Variants in PIKFYVE observed in about 807,000 individuals in gnomAD.
PIKFYVE encodes the protein 1-phosphatidylinositol 3-phosphate 5-kinase.
In PIKFYVE, 122 loss-of-function variants were observed where a neutral mutation model predicts 257.9. The observed-to-expected ratio is 0.47, with a 90% confidence interval of 0.41 to 0.55. The LOEUF is 0.55. Ranked by LOEUF, PIKFYVE falls within the 20% of genes least tolerant of loss-of-function variation. The pLI, the probability that PIKFYVE is intolerant of heterozygous loss-of-function variation, is 0.00. For synonymous variants in PIKFYVE, 892 were observed against 868.9 expected, an observed-to-expected ratio of 1.03 and a Z score of -0.47; for missense variants, 2,160 against 2,536.6, an observed-to-expected ratio of 0.85 and a Z score of 3.19.
At chr2:208,277,843 C>G in intron 5 of PIKFYVE, 135 bp downstream of exon 5, 1 of 894,620 alleles carries the variant, frequency 1.1e-6, no homozygotes, top group East Asian at 2.5e-5. Flanking sequence ...GTGAGGGAGA[C>G]AGCTTTGCTT....
chr2:208,279,069 GT>G (rs1446759807), intron 5 of PIKFYVE, among the ~76,000 whole-genome samples: 10 of 152,154 alleles, frequency 6.6e-5, no homozygotes, highest in Non-Finnish European at 1.5e-5. Context: ...ACCAGCATTC[GT>G]TTTTTGGCTT....
chr2:208,317,893 T>C lies in PIKFYVE; in HGVS notation c.2034T>C (p.Ser678=), dbSNP rs200404501. The C allele has an allele frequency of 1.3e-5, 21 of 1,613,950 alleles. No homozygotes were observed. The East Asian group carries it at 4.7e-4, about 36-fold the overall frequency. Residue 678 remains serine (S), a synonymous_variant, in exon 16 of 42, where the codon TCT becomes TCC. Transcript: ENST00000264380. The part of the protein sequence containing the change: ...KKIPGGKKFD[S]VVVNGFVCTK... ...TCCCAGGTGGAAAGAAGTTTGATTC[T>C]GTGGTTGTCAATGGCTTTGTTTGTA... is the stretch of plus-strand genomic sequence containing the variant.
intron 32 of PIKFYVE, among the ~76,000 whole-genome samples, 192 bp from the exon 33 acceptor site, chr2:208,344,919 A>C (rs1276101371): frequency 2.0e-5 from 3 of 152,078 alleles, no homozygotes; most frequent in Admixed American, 1.3e-4. Flanking sequence ...ATTTTGTATT[A>C]CCTTCTATGA....
At chr2:208,275,829 C>G (rs1690033221) in intron 3 of PIKFYVE, among the ~76,000 whole-genome samples, 1 of 152,140 alleles carries the variant, frequency 6.6e-6, no homozygotes, top group African/African-American at 2.4e-5. Flanking sequence ...GATGTTCATC[C>G]TTTTTGTCAA....
chr2:208,321,134 G>A (rs1696159182), intron 17 of PIKFYVE, among the ~76,000 whole-genome samples: 1 of 152,118 alleles, frequency 6.6e-6, no homozygotes, highest in African/African-American at 2.4e-5. Flanking sequence ...GTATAAAGTT[G>A]CATAGGTTTT....
chr2:208,335,758 C>CT (rs1559149297), intron 25 of PIKFYVE, 35 bp from the exon 26 acceptor site: 1 of 1,482,508 alleles, frequency 6.7e-7, no homozygotes, highest in South Asian at 1.2e-5. Flanking sequence ...TTGATTCACC[C>CT]TTTCTAAAGT....
At chr2:208,291,925 G>A (rs1014581556) in intron 7 of PIKFYVE, among the ~76,000 whole-genome samples, 2 of 151,982 alleles carry the variant, frequency 1.3e-5, no homozygotes, top group Admixed American at 6.6e-5. Flanking sequence ...AAATGTATGC[G>A]CTTCGTGCTA....
At chr2:208,346,352 A>G (rs529640647) in intron 34 of PIKFYVE, among the ~76,000 whole-genome samples, 1 of 152,346 alleles carries the variant, frequency 6.6e-6, no homozygotes, top group South Asian at 2.1e-4. Flanking sequence ...TGTAAGTTCA[A>G]GGTATTGAAT....
At chr2:208,351,537 T>G (rs1217586023) in intron 38 of PIKFYVE, 82 bp downstream of exon 38, 1 of 1,160,108 alleles carries the variant, frequency 8.6e-7, no homozygotes, top group Non-Finnish European at 1.3e-6. Context: ...TCTATTCTTG[T>G]GTTGCTATAA....
Position 208,326,316 on chromosome 2 carries a change from C to A in PIKFYVE, c.3505C>A (p.Pro1169Thr). 1 of 1,609,486 alleles carries A rather than the reference C, an allele frequency of 6.2e-7. No individual in the cohort carries two copies. Among genetic ancestry groups the A allele is most frequent in the Non-Finnish European group, 8.5e-7 (1 of 1,177,882 alleles). ...GGRIQPKNSD[P>T]FAHSKDASST... ...AAGAATTCAGCCCAAAAATTCAGAC[C>A]CTTTTGCTCATTCAAAGGATGCATC... The change falls in exon 20 of 42, where the codon CCT (proline) becomes ACT (threonine). Residue 1169 changes from proline (P) to threonine (T), a missense_variant. By Grantham distance (38) the Pro-to-Thr change is conservative. Transcript: ENST00000264380.
At position 208,274,079 on chromosome 2, in the gene PIKFYVE, T is replaced by G. The variant is rs1689781244; in HGVS notation, c.322+346T>G. On this transcript the variant is annotated intron_variant, in intron 3 of 41. Coordinates refer to ENST00000264380, the MANE Select transcript of PIKFYVE (RefSeq NM_015040.4). ...GTTAGTTTCCACTTTGTGAATGAAT[T>G]CTGCATCTGTTCTTGGGGTGCTAGT... 1.9e-6 allele frequency: 3 copies of G among 1,606,024 alleles called. No individual in the cohort carries two copies. In the East Asian group the frequency reaches 6.7e-5, roughly 36 times the overall value.
chr2:208,268,009 G>C (rs1203990777), intron 1 of PIKFYVE, among the ~76,000 whole-genome samples: 1 of 152,188 alleles, frequency 6.6e-6, no homozygotes, highest in East Asian at 1.9e-4. Context: ...ATTAGAAATG[G>C]TGAAGTATTG....
In PIKFYVE at chr2:208,346,144, C is replaced by T; in HGVS notation, c.5206C>T (p.Pro1736Ser). 2 of 1,602,636 alleles carry T rather than the reference C, an allele frequency of 1.2e-6. No homozygotes were observed. The highest frequency in any genetic ancestry group is 1.7e-6 in the Non-Finnish European group (2 of 1,170,076). Residue 1736 changes from proline (P) to serine (S), a missense_variant, in exon 34 of 42, where the codon CCA becomes TCA. By Grantham distance (74) the Pro-to-Ser change is moderately conservative. Transcript: ENST00000264380. ...TNRTTETEPQ[P>S]TKKASGMLSF... Reference sequence around the variant, plus strand: ...TCGTACAACAGAAACAGAACCACAACCAAGTAAGATTACACATGGAGGAAT... The same window carrying T: ...TCGTACAACAGAAACAGAACCACAATCAAGTAAGATTACACATGGAGGAAT...
intron 14 of PIKFYVE, among the ~76,000 whole-genome samples, chr2:208,314,756 G>A (rs573964700): frequency 6.6e-5 from 10 of 152,166 alleles, no homozygotes; most frequent in Non-Finnish European, 1.3e-4. Context: ...AATTAGCCAG[G>A]CGTGGTGGCG....
At chr2:208,345,914 A>G in intron 33 of PIKFYVE, 136 bp from the exon 34 acceptor site, 2 of 657,312 alleles carry the variant, frequency 3.0e-6, no homozygotes, top group Non-Finnish European at 5.4e-6. Flanking sequence ...GTAAATTATG[A>G]ATCAGACTTT....
intron 21 of PIKFYVE, among the ~76,000 whole-genome samples, chr2:208,328,529 T>C (rs1697191486): frequency 6.6e-6 from 1 of 152,208 alleles, no homozygotes; most frequent in Non-Finnish European, 1.5e-5. Flanking sequence ...GGAATTTGTA[T>C]TGGTTGACTT....
At chr2:208,330,094 T>C (rs989346028) in intron 22 of PIKFYVE, among the ~76,000 whole-genome samples, 181 bp downstream of exon 22, 2 of 152,202 alleles carry the variant, frequency 1.3e-5, no homozygotes, top group African/African-American at 4.8e-5. Context: ...CTGAGATCTC[T>C]TATCCAGAAC....
In PIKFYVE at chr2:208,320,267, A is replaced by G; in HGVS notation, c.2098A>G (p.Lys700Glu). 1 of 1,611,254 alleles carries G rather than the reference A, an allele frequency of 6.2e-7. No homozygotes were observed. Among genetic ancestry groups the G allele is most frequent in the Non-Finnish European group, 8.5e-7 (1 of 1,178,394 alleles). ...TTTTTTGTAGATGAGTTCTTGTATTAAAAACCCCAAAATTCTTCTGTTGAA... is the reference window on the plus strand; with the variant it reads ...TTTTTTGTAGATGAGTTCTTGTATTGAAAACCCCAAAATTCTTCTGTTGAA... ...IAHKKMSSCI[K>E]NPKILLLKCS... Residue 700 changes from lysine (K) to glutamate (E), a missense_variant, in exon 17 of 42, where the codon AAA becomes GAA. Physicochemically the swap from Lys to Glu is moderately conservative, Grantham distance 56. Coordinates refer to ENST00000264380, the MANE Select transcript of PIKFYVE (RefSeq NM_015040.4).
chr2:208,345,320 A>G, intron 33 of PIKFYVE, 126 bp downstream of exon 33: 1 of 798,916 alleles, frequency 1.3e-6, no homozygotes, highest in East Asian at 2.8e-5. Flanking sequence ...AGTGGCACTC[A>G]TATTTCAGCC....
Sources: allele counts gnomAD v4.1 joint callset (sites outside exome capture counted in the v4.1 genomes callset), GRCh38; gene constraint gnomAD v4.1.1; transcripts MANE v1.5; gene names NCBI Gene and HGNC (gene_info 2026-07-23, HGNC 2026-07-21).